The following EPB41L4A variants were observed in gnomAD, a reference collection of about 807,000 sequenced individuals.
EPB41L4A encodes band 4.1-like protein 4A.
EPB41L4A carries 100 observed loss-of-function variants against 108.6 expected under a neutral mutation model. That is an observed-to-expected ratio of 0.92 (90% CI 0.78 to 1.09). The LOEUF (loss-of-function observed/expected upper bound fraction) is 1.09, where lower values mean the gene tolerates loss of function less well. Ranked by LOEUF, EPB41L4A falls within the 50% of genes least tolerant of loss-of-function variation. The pLI is 0.00. For missense variants in EPB41L4A, 1,030 were observed against 842.7 expected (o/e 1.22, Z -2.75); for synonymous variants, 319 against 289.0 (o/e 1.10, Z -1.05).
At chr5:112,223,948 G>A (rs1201282340) in intron 12 of EPB41L4A, among the ~76,000 whole-genome samples, 4 of 152,050 alleles carry the variant, frequency 2.6e-5, no homozygotes, top group Non-Finnish European at 5.9e-5. Context: ...AGTTTCATTT[G>A]AACTTTAGGC....
rs577490786 is a variant in EPB41L4A at position 112,398,266 on chromosome 5, T to A, written c.99+20675A>T. On this transcript the variant is annotated intron_variant, in intron 1 of 22. Coordinates refer to ENST00000261486, the MANE Select transcript of EPB41L4A (RefSeq NM_022140.5). ...AAGGGAAATTTTTTCTTTTTTAGGA[T>A]TTTCCTTTCTTTTCTCTAGGCCTAC... 3.9e-5 allele frequency among the ~76,000 whole-genome samples: 6 copies of A among 152,306 alleles called. No individual in the cohort carries two copies. In the South Asian group the frequency reaches 1.0e-3, roughly 26 times the overall value.
chr5:112,391,186 C>G (rs1275725101), intron 1 of EPB41L4A, among the ~76,000 whole-genome samples: 1 of 152,182 alleles, frequency 6.6e-6, no homozygotes, highest in African/African-American at 2.4e-5. Context: ...ACTGCAGCTC[C>G]TCGCCAGCAA....
At chr5:112,374,495 C>G (rs1176325320) in intron 1 of EPB41L4A, among the ~76,000 whole-genome samples, 3 of 152,150 alleles carry the variant, frequency 2.0e-5, no homozygotes, top group African/African-American at 7.2e-5. Context: ...AACACTCTGG[C>G]CCAATCACCT....
chr5:112,239,179 C>T lies in EPB41L4A; in HGVS notation c.965+481G>A, dbSNP rs139991909. 2.3e-3 allele frequency among the ~76,000 whole-genome samples: 349 copies of T among 152,268 alleles called. 1 individual carries two copies. Among genetic ancestry groups the T allele is most frequent in the African/African-American group, 8.0e-3 (331 of 41,546 alleles). On this transcript the variant is annotated intron_variant, in intron 11 of 22. Coordinates refer to ENST00000261486, the MANE Select transcript of EPB41L4A (RefSeq NM_022140.5). ...AAAACATGTATCACAGTACACAGCACTTAGTAACTGCTCAATAAAGTTGAG... is the reference window on the plus strand; with the variant it reads ...AAAACATGTATCACAGTACACAGCATTTAGTAACTGCTCAATAAAGTTGAG...
intron 6 of EPB41L4A, chr5:112,263,324 C>A (rs970695351): frequency 8.5e-5 from 13 of 152,072 alleles, no homozygotes; most frequent in African/African-American, 3.1e-4. Flanking sequence ...ATTAAGAAAT[C>A]CTGCAGTGAC....
intron 1 of EPB41L4A, among the ~76,000 whole-genome samples, chr5:112,331,805 G>A (rs821736): frequency 0.18 from 27,606 of 152,148 alleles, 3,147 homozygotes; most frequent in African/African-American, 0.32. Flanking sequence ...GACAGCAGCT[G>A]GAGGCTACCA....
chr5:112,144,175 T>C (rs1759165522), intron 13 of EPB41L4A, among the ~76,000 whole-genome samples: 9 of 152,236 alleles, frequency 5.9e-5, no homozygotes, highest in Admixed American at 5.9e-4. Flanking sequence ...CCAATAGATA[T>C]GTACTTTTAA....
chr5:112,229,023 T>C (rs1252159773), intron 12 of EPB41L4A, among the ~76,000 whole-genome samples: 1 of 152,192 alleles, frequency 6.6e-6, no homozygotes, highest in Non-Finnish European at 1.5e-5. Flanking sequence ...CTTTTTAAAC[T>C]TACAGACAAC....
chr5:112,146,454 A>G (rs1759261855), intron 12 of EPB41L4A, among the ~76,000 whole-genome samples: 1 of 152,242 alleles, frequency 6.6e-6, no homozygotes, highest in Non-Finnish European at 1.5e-5. Flanking sequence ...AGGATCTTCC[A>G]ACGCTGTTTG....
chr5:112,181,721 T>C (rs554458624), intron 18 of EPB41L4A, among the ~76,000 whole-genome samples: 2 of 152,276 alleles, frequency 1.3e-5, no homozygotes, highest in South Asian at 2.1e-4. Context: ...TAAAGGAGTA[T>C]ATATTGTGTT....
rs535775273 is a variant in EPB41L4A at position 112,231,646 on chromosome 5, G to A, written c.1087+2988C>T. 3.3e-3 allele frequency among the ~76,000 whole-genome samples: 506 copies of A among 151,256 alleles called. 1 individual carries two copies. The highest frequency in any genetic ancestry group is 5.1e-3 in the Non-Finnish European group (343 of 67,784). Reference sequence around the variant, plus strand: ...TAAAAATACAAAAAAGTAGCCGGGCGCGGTGGCGGGCGCCTGTAGTCCCAG... The same window carrying A: ...TAAAAATACAAAAAAGTAGCCGGGCACGGTGGCGGGCGCCTGTAGTCCCAG... On this transcript the variant is annotated intron_variant, in intron 12 of 22. Coordinates refer to ENST00000261486, the MANE Select transcript of EPB41L4A (RefSeq NM_022140.5).
intron 1 of EPB41L4A, among the ~76,000 whole-genome samples, chr5:112,407,633 C>T (rs1762146884): frequency 6.6e-6 from 1 of 152,146 alleles, no homozygotes; most frequent in Admixed American, 6.5e-5. Context: ...TTCATAAAAC[C>T]TATGCAAATA....
rs75540694 is a variant in EPB41L4A at position 112,165,748 on chromosome 5, G to C, written c.1933-630C>G. 1.4e-4 allele frequency among the ~76,000 whole-genome samples: 22 copies of C among 152,298 alleles called. No individual in the cohort carries two copies. In the East Asian group the frequency reaches 4.0e-3, roughly 28 times the overall value. On this transcript the variant is annotated intron_variant, in intron 22 of 22. Coordinates refer to ENST00000261486, the MANE Select transcript of EPB41L4A (RefSeq NM_022140.5). The stretch of plus-strand genomic sequence containing the variant: ...CATTGTCAGTGTATCAGGCTGGCAA[G>C]CATATTTCCTTCCCCAAATGTATAT...
intron 4 of EPB41L4A, among the ~76,000 whole-genome samples, chr5:112,274,534 A>G (rs1752490150): frequency 6.6e-6 from 1 of 152,284 alleles, no homozygotes; most frequent in Admixed American, 6.5e-5. Context: ...AAACAAAACC[A>G]CAGGCTACCA....
At chr5:112,231,279 G>C (rs561459621) in intron 12 of EPB41L4A, among the ~76,000 whole-genome samples, 1 of 152,114 alleles carries the variant, frequency 6.6e-6, no homozygotes. Flanking sequence ...AGTAAGAAAA[G>C]CAAGTTGAAA....
At position 112,170,432 on chromosome 5, in the gene EPB41L4A, C is replaced by A. The variant is rs1760509348; in HGVS notation, c.1671-63G>T. The stretch of plus-strand genomic sequence containing the variant: ...CTGGTATAAATGCTAGTATCTTTCA[C>A]AATCGGCAGGTGAGTTTTCCCTTTC... On this transcript the variant is annotated intron_variant, in intron 19 of 22. Transcript: ENST00000261486. 4.7e-6 allele frequency: 5 copies of A among 1,073,122 alleles called. No homozygotes were observed. In the East Asian group the frequency reaches 7.2e-5, roughly 15 times the overall value. The allele number at this position is 1,073,122 out of a possible 1,614,324, so 66.5% of individuals were successfully genotyped here. A position where few individuals can be genotyped will look rare whatever the true frequency, so the allele number is the denominator to read the frequency against.
At chr5:112,226,726 G>C (rs983798380) in intron 12 of EPB41L4A, among the ~76,000 whole-genome samples, 36 of 151,706 alleles carry the variant, frequency 2.4e-4, no homozygotes, top group South Asian at 6.3e-4. Context: ...AAAATGGCTT[G>C]AACAAATACT....
chr5:112,389,628 C>T (rs954070532), intron 1 of EPB41L4A, among the ~76,000 whole-genome samples: 2 of 152,160 alleles, frequency 1.3e-5, no homozygotes, highest in East Asian at 1.9e-4. Context: ...AAATGATCAA[C>T]ATTTTTGTTG....
intron 22 of EPB41L4A, among the ~76,000 whole-genome samples, chr5:112,165,550 G>A (rs537197358): frequency 8.5e-5 from 13 of 152,246 alleles, no homozygotes; most frequent in African/African-American, 2.4e-4. Context: ...TGTCTCATAC[G>A]GAGAAACAGG....
Sources: gnomAD v4.1 joint callset for allele counts (sites outside exome capture counted in the v4.1 genomes callset) on GRCh38, gnomAD v4.1.1 for gene constraint, MANE v1.5 for transcripts, NCBI Gene and HGNC (gene_info 2026-07-23, HGNC 2026-07-21) for gene names.